CNOT6: variants seen among roughly 807,000 people sequenced by gnomAD.
CNOT6 encodes the protein CCR4-NOT transcription complex subunit 6, also known as carbon catabolite repression 4 protein.
A neutral mutation model predicts 61.2 loss-of-function variants in CNOT6; 12 were observed. The observed-to-expected ratio is 0.20, with a 90% CI of 0.13 to 0.32. The LOEUF (loss-of-function observed/expected upper bound fraction) is 0.32. Among genes scored for constraint, CNOT6 ranks in the 10% least tolerant of loss-of-function variants. CNOT6 has a pLI of 1.00. For synonymous variants in CNOT6, 225 were observed against 240.6 expected (o/e 0.94, Z 0.60); for missense variants, 405 against 663.9 (o/e 0.61, Z 4.28).
At chr5:180,499,438 T>G (rs1485195891) in intron 1 of CNOT6, among the ~76,000 whole-genome samples, 1 of 152,192 alleles carries the variant, frequency 6.6e-6, no homozygotes, top group East Asian at 1.9e-4. Flanking sequence ...TGTGAAATTT[T>G]GGGGGGAAGG....
chr5:180,495,829 G>A (rs529871669), intron 1 of CNOT6: 4 of 152,248 alleles, frequency 2.6e-5, no homozygotes, highest in Non-Finnish European at 5.9e-5. Flanking sequence ...TAGGCTGTAG[G>A]AGTGGACGTG....
rs189581343 is a variant in CNOT6, at chr5:180,513,405, C to G, written c.-2-15870C>G. ...TATTATTTTGAGACAGAGTCTTGCTCTGTCGCCCAGCCTGGAGTCTGGCAC... is the reference window on the plus strand; with the variant it reads ...TATTATTTTGAGACAGAGTCTTGCTGTGTCGCCCAGCCTGGAGTCTGGCAC... On this transcript the variant is annotated intron_variant, in intron 1 of 11. Coordinates refer to ENST00000261951, the MANE Select transcript of CNOT6 (RefSeq NM_001370472.1). Among the ~76,000 whole-genome samples, 615 of 152,144 alleles carry G rather than the reference C, an allele frequency of 4.0e-3. 5 individuals are homozygous for G. Among genetic ancestry groups the G allele is most frequent in the Middle Eastern group, 6.8e-3 (2 of 294 alleles).
chr5:180,528,343 C>T (rs1462019420), intron 1 of CNOT6, among the ~76,000 whole-genome samples: 2 of 152,320 alleles, frequency 1.3e-5, no homozygotes, highest in East Asian at 3.9e-4. Flanking sequence ...CGGAGTCTCG[C>T]TCTGTTGCCC....
In CNOT6 at chr5:180,553,395, T is replaced by A; in HGVS notation, c.309T>A (p.His103Gln). ...ATTTTTACATCAACAGGGAGCTCCA[T>A]TTAAATAACAACCTGTTACGAGTTC... Reference protein sequence around the residue: ...LGNMVSLRELHLNNNLLRVLP... With the variant: ...LGNMVSLRELQLNNNLLRVLP... Residue 103 changes from histidine (H) to glutamine (Q), a missense_variant, in exon 4 of 12, where the codon CAT (histidine) becomes CAA (glutamine). This residue lies in a region of CNOT6 where 212 missense variants were observed against 307.1 expected (regional missense o/e 0.69). Coordinates refer to ENST00000261951, the MANE Select transcript of CNOT6 (RefSeq NM_001370472.1). The A allele has an allele frequency of 6.2e-7, 1 of 1,613,470 alleles. No individual in the cohort carries two copies. The highest frequency in any genetic ancestry group is 8.5e-7 in the Non-Finnish European group (1 of 1,179,582).
At chr5:180,504,032 G>C (rs1395023759) in intron 1 of CNOT6, among the ~76,000 whole-genome samples, 1 of 152,180 alleles carries the variant, frequency 6.6e-6, no homozygotes, top group Non-Finnish European at 1.5e-5. Context: ...AGTTGATCAT[G>C]TTGACATAAT....
chr5:180,528,115 AT>A (rs535633861), intron 1 of CNOT6, among the ~76,000 whole-genome samples: 6 of 151,768 alleles, frequency 4.0e-5, no homozygotes, highest in Admixed American at 6.6e-5. Context: ...TTTTCCACTG[AT>A]TTTTTTTCAC....
intron 1 of CNOT6, among the ~76,000 whole-genome samples, chr5:180,502,235 G>T (rs933922510): frequency 1.3e-5 from 2 of 151,992 alleles, no homozygotes; most frequent in Non-Finnish European, 2.9e-5. Flanking sequence ...TTTTTATTTG[G>T]TGATACAAAA....
intron 10 of CNOT6, among the ~76,000 whole-genome samples, chr5:180,571,008 C>T (rs974364787): frequency 3.3e-5 from 5 of 152,098 alleles, no homozygotes; most frequent in Admixed American, 6.5e-5. Flanking sequence ...CATTAAAGAA[C>T]GATAATTGGG....
chr5:180,565,637 T>C (rs751232917), intron 6 of CNOT6, among the ~76,000 whole-genome samples, 183 bp from the exon 7 acceptor site: 1 of 152,220 alleles, frequency 6.6e-6, no homozygotes, highest in Non-Finnish European at 1.5e-5. Context: ...TGTTCACTTA[T>C]CTATCCTGCT....
chr5:180,531,313 C>T (rs928083768), intron 2 of CNOT6, among the ~76,000 whole-genome samples: 52 of 150,312 alleles, frequency 3.5e-4, no homozygotes, highest in African/African-American at 1.2e-3. Context: ...GACGGGGTAG[C>T]GGTCGGGCAG....
intron 1 of CNOT6, 113 bp from the exon 2 acceptor site, chr5:180,529,162 C>T: frequency 1.5e-6 from 1 of 664,246 alleles, no homozygotes; most frequent in Non-Finnish European, 2.7e-6. Context: ...CGTGCCACTG[C>T]ACTCCAGCCT....
Position 180,567,871 on chromosome 5 carries a change from A to T in CNOT6, c.895A>T (p.Thr299Ser). The T allele has an allele frequency of 6.2e-7, 1 of 1,614,104 alleles. No individual in the cohort carries two copies. Among genetic ancestry groups the T allele is most frequent in the Non-Finnish European group, 8.5e-7 (1 of 1,180,030 alleles). The part of the protein sequence containing the change: ...TEKFTLVQKH[T>S]VEFNQLAMAN... ...TAGATTTACTTTGGTTCAGAAACAC[A>T]CTGTTGAATTTAATCAGCTAGCCAT... The change falls in exon 9 of 12, where the codon ACT becomes TCT. Residue 299 changes from threonine to serine, a missense_variant. Thr to Ser is a moderately conservative substitution (Grantham distance 58). Transcript: ENST00000261951.
At chr5:180,560,837 C>T (rs1441588245) in intron 4 of CNOT6, among the ~76,000 whole-genome samples, 4 of 152,268 alleles carry the variant, frequency 2.6e-5, no homozygotes, top group East Asian at 1.9e-4. Context: ...GTGTCCTCAG[C>T]GTCCAAGGCT....
intron 11 of CNOT6, among the ~76,000 whole-genome samples, chr5:180,573,402 T>A (rs1275049255): frequency 6.6e-6 from 1 of 151,966 alleles, no homozygotes; most frequent in Non-Finnish European, 1.5e-5. Flanking sequence ...GGGAAGTGAA[T>A]CTGTGGTGAG....
At chr5:180,523,263 C>G (rs550395706) in intron 1 of CNOT6, among the ~76,000 whole-genome samples, 1 of 152,212 alleles carries the variant, frequency 6.6e-6, no homozygotes, top group East Asian at 1.9e-4. Flanking sequence ...TTTTCTTTTC[C>G]CCTTAGATGT....
At chr5:180,548,994 C>G (rs1160104093) in intron 2 of CNOT6, among the ~76,000 whole-genome samples, 1 of 152,160 alleles carries the variant, frequency 6.6e-6, no homozygotes, top group Non-Finnish European at 1.5e-5. Context: ...TTTTATCATT[C>G]TGTTCTTAGT....
At chr5:180,505,244 A>C (rs1411054705) in intron 1 of CNOT6, among the ~76,000 whole-genome samples, 254 of 114,066 alleles carry the variant, frequency 2.2e-3, no homozygotes, top group Admixed American at 2.3e-3. Flanking sequence ...ACAGGCGGTA[A>C]TAGTTAATTT....
At chr5:180,496,821 T>C (rs897786483) in intron 1 of CNOT6, among the ~76,000 whole-genome samples, 1 of 152,212 alleles carries the variant, frequency 6.6e-6, no homozygotes, top group African/African-American at 2.4e-5. Flanking sequence ...AGTGTCTTGA[T>C]AGTGGTGATG....
At chr5:180,531,383 C>CACGGGGCG (rs1317471408) in intron 2 of CNOT6, among the ~76,000 whole-genome samples, 4 of 146,490 alleles carry the variant, frequency 2.7e-5, no homozygotes, top group Non-Finnish European at 6.0e-5. Context: ...TCACATCCCA[C>CACGGGGCG]ACGGGGCGGC....
Sources: allele counts gnomAD v4.1 joint callset (sites outside exome capture counted in the v4.1 genomes callset), GRCh38; gene constraint gnomAD v4.1.1; regional missense constraint gnomAD v4.1.1; transcripts MANE v1.5; gene names NCBI Gene and HGNC (gene_info 2026-07-23, HGNC 2026-07-21).